The following ROBO1 variants were observed in gnomAD, a reference collection of about 807,000 sequenced individuals.
The protein encoded by ROBO1 is roundabout homolog 1.
In ROBO1, 149 loss-of-function variants were observed where a neutral mutation model predicts 195.9. The ratio of observed to expected loss-of-function variants is 0.76; its 90% CI spans 0.67 to 0.87. The LOEUF (loss-of-function observed/expected upper bound fraction) is 0.87. Among genes scored for constraint, ROBO1 ranks in the 40% least tolerant of loss-of-function variants. ROBO1 has a pLI of 0.00. For missense variants in ROBO1, 1,933 were observed against 2,068.3 expected, an observed-to-expected ratio of 0.93 and a Z score of 1.27; for synonymous variants, 816 against 733.2, an observed-to-expected ratio of 1.11 and a Z score of -1.82.
At chr3:79,114,185 T>C (rs1057073000) in intron 3 of ROBO1, among the ~76,000 whole-genome samples, 1 of 152,204 alleles carries the variant, frequency 6.6e-6, no homozygotes, top group African/African-American at 2.4e-5. Flanking sequence ...ACCTCTCTCC[T>C]GTATAAATCA....
At position 78,888,725 on chromosome 3, in the gene ROBO1, G is replaced by A. The variant is rs558335034; in HGVS notation, c.499+49876C>T. On this transcript the variant is annotated intron_variant, in intron 4 of 30. Transcript: ENST00000464233. Reference sequence around the variant, plus strand: ...TATAAGCTTAGATCAAGTTTGCAGTGGTATACTGCATGATGAGAAATGAGT... The same window carrying A: ...TATAAGCTTAGATCAAGTTTGCAGTAGTATACTGCATGATGAGAAATGAGT... 7.2e-5 allele frequency among the ~76,000 whole-genome samples: 11 copies of A among 152,196 alleles called. No individual in the cohort carries two copies. In the East Asian group the frequency reaches 1.9e-3, roughly 27 times the overall value.
intron 2 of ROBO1, among the ~76,000 whole-genome samples, chr3:79,514,777 C>T (rs962037011): frequency 5.9e-5 from 9 of 152,128 alleles, no homozygotes; most frequent in Admixed American, 1.3e-4. Flanking sequence ...AATTCAAACA[C>T]AGACACTAAA....
intron 2 of ROBO1, among the ~76,000 whole-genome samples, chr3:79,217,544 C>T (rs1015514924): frequency 6.6e-6 from 1 of 152,040 alleles, no homozygotes; most frequent in African/African-American, 2.4e-5. Context: ...GTACACACGC[C>T]ATTTTCATCA....
intron 2 of ROBO1, among the ~76,000 whole-genome samples, chr3:79,153,773 G>T (rs2080812869): frequency 6.8e-6 from 1 of 147,622 alleles, no homozygotes; most frequent in Non-Finnish European, 1.5e-5. Flanking sequence ...TTGTTTATAT[G>T]TAATATAAAT....
At chr3:79,159,646 A>C (rs2080920609) in intron 2 of ROBO1, among the ~76,000 whole-genome samples, 1 of 152,072 alleles carries the variant, frequency 6.6e-6, no homozygotes, top group African/African-American at 2.4e-5. Flanking sequence ...TTGGCAAATT[A>C]ATAGCCCTCA....
In ROBO1 at chr3:78,627,491, A is replaced by G. The variant is rs1704884679; in HGVS notation, c.3705T>C (p.Asp1235=). ...GAACAGGGGGAGTGGGGCCTCGTTC[A>G]TCTTCCTCCTCTTCTAATTCATCTT... ...LQQDELEEEE[D]ERGPTPPVRG... is the part of the protein sequence containing the mutation. The change falls in exon 26 of 31, where the codon GAT becomes GAC. Residue 1235 remains aspartate (D), a synonymous_variant. Coordinates refer to ENST00000464233, the MANE Select transcript of ROBO1 (RefSeq NM_002941.4). 1.2e-6 allele frequency: 2 copies of G among 1,613,342 alleles called. No homozygotes were observed. Among genetic ancestry groups the G allele is most frequent in the South Asian group, 2.2e-5 (2 of 90,980 alleles).
intron 1 of ROBO1, among the ~76,000 whole-genome samples, chr3:79,658,429 A>G (rs1946233535): frequency 6.6e-6 from 1 of 152,070 alleles, no homozygotes; most frequent in African/African-American, 2.4e-5. Context: ...ACTTCCTATG[A>G]CATTAAAGTA....
At chr3:78,734,085 C>T (rs369238270) in intron 5 of ROBO1, among the ~76,000 whole-genome samples, 3 of 152,098 alleles carry the variant, frequency 2.0e-5, no homozygotes, top group East Asian at 1.9e-4. Flanking sequence ...TTCTGAGACA[C>T]TTTCTGCTTT....
intron 2 of ROBO1, among the ~76,000 whole-genome samples, chr3:79,294,352 G>T (rs2032455675): frequency 6.6e-6 from 1 of 152,136 alleles, no homozygotes; most frequent in Non-Finnish European, 1.5e-5. Context: ...ATGGGGAAAA[G>T]ATTCCCTGTT....
At chr3:78,809,873 G>A (rs2084679074) in intron 4 of ROBO1, among the ~76,000 whole-genome samples, 1 of 151,738 alleles carries the variant, frequency 6.6e-6, no homozygotes, top group Non-Finnish European at 1.5e-5. Context: ...AGCATTAGGA[G>A]AAATACCTAA....
At chr3:79,533,940 G>A (rs1941754627) in intron 2 of ROBO1, among the ~76,000 whole-genome samples, 1 of 152,088 alleles carries the variant, frequency 6.6e-6, no homozygotes, top group South Asian at 2.1e-4. Flanking sequence ...ATGAAATTAA[G>A]CTTATTAATC....
intron 3 of ROBO1, among the ~76,000 whole-genome samples, chr3:78,996,044 T>C (rs2077357358): frequency 6.6e-6 from 1 of 152,076 alleles, no homozygotes; most frequent in Non-Finnish European, 1.5e-5. Flanking sequence ...TATCAGACCA[T>C]CTAGTTTTTT....
In ROBO1 at chr3:78,618,078, G is replaced by A. The variant is rs148773719; in HGVS notation, c.3876-37C>T. The stretch of plus-strand genomic sequence containing the variant: ...TGAATAAATAGGTCTGGCTCAGCTT[G>A]TTATTTAAGACATAAAAGGACAAAT... On this transcript the variant is annotated intron_variant, in intron 26 of 30. Transcript: ENST00000464233. 975 of 1,547,546 alleles carry A rather than the reference G, an allele frequency of 6.3e-4. 11 individuals carry two copies. The African/African-American group carries it at 0.012, about 20-fold the overall frequency.
chr3:78,706,057 G>A (rs2081544122), intron 8 of ROBO1, among the ~76,000 whole-genome samples: 1 of 151,980 alleles, frequency 6.6e-6, no homozygotes, highest in Non-Finnish European at 1.5e-5. Context: ...TGTGCCTAAG[G>A]AACTCACAGT....
chr3:78,682,962 T>C (rs2080962362), intron 10 of ROBO1, among the ~76,000 whole-genome samples: 1 of 151,978 alleles, frequency 6.6e-6, no homozygotes, highest in Non-Finnish European at 1.5e-5. Flanking sequence ...TGTCTTTCTT[T>C]CAATATTTAT....
chr3:79,292,770 C>T (rs140213751), intron 2 of ROBO1, among the ~76,000 whole-genome samples: 285 of 152,250 alleles, frequency 1.9e-3, no homozygotes, highest in African/African-American at 6.4e-3. Context: ...CTGCTGGATT[C>T]GGTTTGCCAG....
intron 2 of ROBO1, among the ~76,000 whole-genome samples, chr3:79,339,308 T>G (rs1050620665): frequency 2.0e-5 from 3 of 152,178 alleles, no homozygotes; most frequent in Non-Finnish European, 4.4e-5. Flanking sequence ...ACCCAAAATC[T>G]TTGTAATGGA....
intron 2 of ROBO1, among the ~76,000 whole-genome samples, chr3:79,290,987 A>G (rs1354145829): frequency 6.6e-6 from 1 of 152,180 alleles, no homozygotes; most frequent in East Asian, 1.9e-4. Context: ...TGTGAAAAGA[A>G]TATTATAAAC....
chr3:79,307,128 A>G (rs914432276), intron 2 of ROBO1, among the ~76,000 whole-genome samples: 7 of 152,138 alleles, frequency 4.6e-5, no homozygotes, highest in African/African-American at 1.7e-4. Context: ...GTCATTCCTC[A>G]GCCTCCTCAA....
Sources: allele counts gnomAD v4.1 joint callset (sites outside exome capture counted in the v4.1 genomes callset), GRCh38; gene constraint gnomAD v4.1.1; transcripts MANE v1.5; gene names NCBI Gene and HGNC (gene_info 2026-07-23, HGNC 2026-07-21).